The following TBC1D16 variants were observed in gnomAD, a reference collection of about 807,000 sequenced individuals.
TBC1D16 encodes CTD-2529O21.1.
A neutral mutation model predicts 74.7 loss-of-function variants in TBC1D16; 58 were observed. That is an observed-to-expected ratio of 0.78 (90% CI 0.63 to 0.97). The LOEUF (loss-of-function observed/expected upper bound fraction) is 0.97. Ranked by LOEUF, TBC1D16 falls within the 50% of genes least tolerant of loss-of-function variation. The pLI is 0.00. For missense variants in TBC1D16, 1,014 were observed against 1,079.5 expected (o/e 0.94, Z 0.85); for synonymous variants, 493 against 474.7 (o/e 1.04, Z -0.50).
chr17:80,027,770 T>C (rs2036630299), intron 1 of TBC1D16, among the ~76,000 whole-genome samples: 1 of 151,218 alleles, frequency 6.6e-6, no homozygotes, highest in African/African-American at 2.4e-5. Flanking sequence ...CAGGCGCCTG[T>C]AATCCCAGCT....
intron 1 of TBC1D16, among the ~76,000 whole-genome samples, chr17:80,022,419 C>A (rs1028913140): frequency 6.7e-6 from 1 of 149,826 alleles, no homozygotes; most frequent in Non-Finnish European, 1.5e-5. Flanking sequence ...TCACTGCAAC[C>A]TCTTCCTGCC....
intron 3 of TBC1D16, among the ~76,000 whole-genome samples, chr17:79,953,606 C>A (rs2033186413): frequency 6.6e-6 from 1 of 152,210 alleles, no homozygotes; most frequent in Non-Finnish European, 1.5e-5. Context: ...CATGTTCTCA[C>A]CAGCATACTG....
At position 79,941,909 on chromosome 17, in the gene TBC1D16, G is replaced by C. The variant is rs983000562; in HGVS notation, c.2055+151C>G. On this transcript the variant is annotated intron_variant, in intron 11 of 11. Transcript: ENST00000310924. This position sits in a 1 kb window ranked among gnomAD's most constrained non-coding sequence, Gnocchi z 4.3. ...GTGGGGAGCCCCCAGTGCTATGGGT[G>C]GGGGAGGGCACGTGCTGGGGGGCCA... The C allele has an allele frequency of 1.5e-6, 1 of 684,440 alleles. No homozygotes were observed. The highest frequency in any genetic ancestry group is 2.5e-6 in the Non-Finnish European group (1 of 402,448). 42.4% of individuals were successfully genotyped at this position (684,440 alleles called of 1,614,324 possible). A position where few individuals can be genotyped will look rare whatever the true frequency, so the allele number is the denominator to read the frequency against.
chr17:80,004,509 A>AGGGGTAAGATCTCATATAAAAAAAAGT (rs1208676782), intron 3 of TBC1D16, among the ~76,000 whole-genome samples: 1 of 152,198 alleles, frequency 6.6e-6, no homozygotes, highest in East Asian at 1.9e-4. Context: ...GTAAGATCTC[A>AGGGGTAAGATCTCATATAAAAAAAAGT]GGGGTTCGTG....
intron 1 of TBC1D16, among the ~76,000 whole-genome samples, chr17:80,016,751 C>T (rs2036104555): frequency 6.6e-6 from 1 of 152,190 alleles, no homozygotes; most frequent in Non-Finnish European, 1.5e-5. Flanking sequence ...GGGTTCCTCT[C>T]CTCTGACCCC....
intron 3 of TBC1D16, among the ~76,000 whole-genome samples, chr17:79,982,647 CTT>C (rs2034634176): frequency 6.6e-6 from 1 of 150,424 alleles, no homozygotes; most frequent in Non-Finnish European, 1.5e-5. Context: ...GAGGTCAGGA[CTT>C]TGAGACCAGC....
At position 79,934,929 on chromosome 17, in the gene TBC1D16, G is replaced by C. The variant is rs997678890; in HGVS notation, c.*5930C>G. On this transcript the variant is annotated 3_prime_UTR_variant, in exon 12 of 12. Coordinates refer to ENST00000310924, the MANE Select transcript of TBC1D16 (RefSeq NM_019020.4). Reference sequence around the variant, plus strand: ...GCTTGATGAAGAGCTGGAGCTCCCCGCCCCCCGTGCTCCGGGAGGACCAGG... The same window carrying C: ...GCTTGATGAAGAGCTGGAGCTCCCCCCCCCCCGTGCTCCGGGAGGACCAGG... 6.6e-6 allele frequency: 1 copy of C among 152,396 alleles called. No individual in the cohort carries two copies. Among genetic ancestry groups the C allele is most frequent in the South Asian group, 2.1e-4 (1 of 4,824 alleles). The allele number at this position is 152,396 out of a possible 1,614,324, so 9.4% of individuals were successfully genotyped here.
chr17:80,014,800 G>GA (rs960875600), intron 1 of TBC1D16, among the ~76,000 whole-genome samples: 168 of 148,278 alleles, frequency 1.1e-3, no homozygotes, highest in African/African-American at 4.0e-3. Flanking sequence ...AAGAAAAAAA[G>GA]AAAAAAAAAA....
intron 1 of TBC1D16, among the ~76,000 whole-genome samples, chr17:80,026,968 A>T (rs1218344628): frequency 6.6e-6 from 1 of 150,664 alleles, no homozygotes; most frequent in Non-Finnish European, 1.5e-5. Flanking sequence ...AGCCAGCAGA[A>T]CTCCTAAGAC....
Position 79,974,836 on chromosome 17 carries a change from C to T in TBC1D16, c.780-22018G>A, listed in dbSNP as rs375605883. Among the ~76,000 whole-genome samples, 11 of 152,274 alleles carry T rather than the reference C, an allele frequency of 7.2e-5. No homozygotes were observed. In the East Asian group the frequency reaches 1.2e-3, roughly 16 times the overall value. On this transcript the variant is annotated intron_variant, in intron 3 of 11. Coordinates refer to ENST00000310924, the MANE Select transcript of TBC1D16 (RefSeq NM_019020.4). Reference sequence around the variant, plus strand: ...AGGCTGGGTTCACGCTCAGGTTTATCTTATGATGCTGAGGAGTTTGTGGAA... The same window carrying T: ...AGGCTGGGTTCACGCTCAGGTTTATTTTATGATGCTGAGGAGTTTGTGGAA...
At chr17:79,957,659 G>A (rs1216086704) in intron 3 of TBC1D16, among the ~76,000 whole-genome samples, 2 of 152,050 alleles carry the variant, frequency 1.3e-5, no homozygotes, top group East Asian at 1.9e-4. Flanking sequence ...CCCATAGGAT[G>A]TACAAGACCG....
intron 1 of TBC1D16, among the ~76,000 whole-genome samples, chr17:80,019,271 C>CT (rs1598435121): frequency 6.7e-6 from 1 of 150,086 alleles, no homozygotes; most frequent in East Asian, 1.9e-4. Context: ...CAGAACCTCA[C>CT]TGTGGCTCTG....
In TBC1D16 at chr17:79,952,789, C is replaced by T. The variant is rs370095669; in HGVS notation, c.809G>A (p.Arg270Gln). ...CAGGAGGCCGTTGCTGTCCGGGAAC[C>T]GCAGGCCGGCGTCGGAGCTGGACGG... Reference protein sequence around the residue: ...SPPSSSDAGLRFPDSNGLLQT... With the variant: ...SPPSSSDAGLQFPDSNGLLQT... Residue 270 changes from arginine (R) to glutamine (Q), a missense_variant, in exon 4 of 12, where the codon CGG becomes CAG. Physicochemically the swap from Arg to Gln is conservative, Grantham distance 43 (BLOSUM62 1). Coordinates refer to ENST00000310924, the MANE Select transcript of TBC1D16 (RefSeq NM_019020.4). 6.0e-5 allele frequency: 96 copies of T among 1,610,922 alleles called. No homozygotes were observed. The highest frequency in any genetic ancestry group is 3.0e-4 in the South Asian group (27 of 90,910).
chr17:80,015,938 G>A (rs901302884), intron 1 of TBC1D16, among the ~76,000 whole-genome samples: 1 of 150,532 alleles, frequency 6.6e-6, no homozygotes, highest in Non-Finnish European at 1.5e-5. Flanking sequence ...TTAAATCCAG[G>A]AGGTGGAGGT....
Position 79,987,772 on chromosome 17 carries a change from TG to T in TBC1D16, c.779+22387del, listed in dbSNP as rs2034898467. On this transcript the variant is annotated intron_variant, in intron 3 of 11. Coordinates refer to ENST00000310924, the MANE Select transcript of TBC1D16 (RefSeq NM_019020.4). The surrounding 1 kb of genome is among the most constrained non-coding windows in gnomAD (Gnocchi z 5.2). The stretch of plus-strand genomic sequence containing the variant: ...GGAATTAAGTCAGTACTGGGAGATT[TG>T]GGTTCCACAGAGTTTAGGGGCTCCT... Among the ~76,000 whole-genome samples the T allele has an allele frequency of 6.6e-6, 1 of 150,746 alleles. No individual in the cohort carries two copies. Among genetic ancestry groups the T allele is most frequent in the Admixed American group, 6.7e-5 (1 of 15,002 alleles).
chr17:79,988,478 G>A lies in TBC1D16; in HGVS notation c.779+21682C>T, dbSNP rs575267554. 1.3e-4 allele frequency among the ~76,000 whole-genome samples: 20 copies of A among 152,366 alleles called. No homozygotes were observed. The East Asian group carries it at 3.7e-3, about 28-fold the overall frequency. On this transcript the variant is annotated intron_variant, in intron 3 of 11. Coordinates refer to ENST00000310924, the MANE Select transcript of TBC1D16 (RefSeq NM_019020.4). This position sits in a 1 kb window ranked among gnomAD's most constrained non-coding sequence, Gnocchi z 5.7. ...GGGCAGAGGGGGCAGCAACCGGACG[G>A]AAGCTGCCCAATCATAAGACCATGG...
At chr17:79,948,735 C>T in intron 8 of TBC1D16, 137 bp downstream of exon 8, 2 of 1,205,674 alleles carry the variant, frequency 1.7e-6, no homozygotes, top group Admixed American at 1.9e-5. Context: ...GCGTATCCTT[C>T]ACTTCTGGGG....
At chr17:79,976,215 G>A (rs1115834) in intron 3 of TBC1D16, among the ~76,000 whole-genome samples, 43,832 of 152,104 alleles carry the variant, frequency 0.29, 6,631 homozygotes, top group East Asian at 0.42. Flanking sequence ...CCTACATGTC[G>A]ATGCCGAGAC....
At chr17:80,016,332 G>A (rs534612301) in intron 1 of TBC1D16, among the ~76,000 whole-genome samples, 165 of 152,246 alleles carry the variant, frequency 1.1e-3, no homozygotes, top group Non-Finnish European at 1.9e-3. Context: ...CGTCCTGGAG[G>A]TGGACAGTGG....
Sources: gnomAD v4.1 joint callset for allele counts (sites outside exome capture counted in the v4.1 genomes callset) on GRCh38, gnomAD v4.1.1 for gene constraint, Gnocchi (gnomAD v3.1) non-coding constraint, MANE v1.5 for transcripts, NCBI Gene and HGNC (gene_info 2026-07-23, HGNC 2026-07-21) for gene names.